ARMH1: variants seen among roughly 807,000 people sequenced by gnomAD.
ARMH1 encodes armadillo-like helical domain containing protein 1.
In ARMH1, 34 loss-of-function variants were observed where a neutral mutation model predicts 50.2. The observed-to-expected ratio is 0.68, with a 90% CI of 0.51 to 0.90. The LOEUF (loss-of-function observed/expected upper bound fraction) is 0.90. Among genes scored for constraint, ARMH1 ranks in the 40% least tolerant of loss-of-function variants. The pLI is 0.00. For missense variants in ARMH1, 538 were observed against 553.9 expected (o/e 0.97, Z 0.29); for synonymous variants, 221 against 224.2 (o/e 0.99, Z 0.13).
chr1:44,676,744 G>C lies in ARMH1; in HGVS notation c.-23+1871G>C, dbSNP rs138101042. Reference sequence around the variant, plus strand: ...TTACAGTGGTTTGAGAAGCAGATGGGATTGAGGAAGTGAAGATTCATGTAA... The same window carrying C: ...TTACAGTGGTTTGAGAAGCAGATGGCATTGAGGAAGTGAAGATTCATGTAA... On this transcript the variant is annotated intron_variant, in intron 1 of 11. Transcript: ENST00000535358. Among the ~76,000 whole-genome samples the C allele has an allele frequency of 6.1e-3, 936 of 152,300 alleles. 10 individuals carry two copies. Among genetic ancestry groups the C allele is most frequent in the African/African-American group, 0.021 (880 of 41,560 alleles).
intron 1 of ARMH1, among the ~76,000 whole-genome samples, chr1:44,678,886 A>G (rs181050106): frequency 9.2e-5 from 14 of 152,314 alleles, no homozygotes; most frequent in Admixed American, 1.3e-4. Context: ...CTTGTTGCCA[A>G]GGACCTTTGG....
At chr1:44,717,898 A>G (rs1646918547) in intron 6 of ARMH1, among the ~76,000 whole-genome samples, 1 of 152,220 alleles carries the variant, frequency 6.6e-6, no homozygotes, top group Admixed American at 6.5e-5. Context: ...TCCTGTGAAG[A>G]CATTTGGGCA....
At chr1:44,720,047 A>G (rs573173286) in intron 6 of ARMH1, among the ~76,000 whole-genome samples, 2 of 152,182 alleles carry the variant, frequency 1.3e-5, no homozygotes, top group East Asian at 3.9e-4. Context: ...ATACAAAAAA[A>G]TTAGGCAGGT....
In ARMH1 at chr1:44,725,085, G is replaced by C. The variant is rs575984276; in HGVS notation, c.1129-51G>C. On this transcript the variant is annotated intron_variant, in intron 10 of 11. Transcript: ENST00000535358. ...ATCCCTCTGCCAAGCCCAACTCCAA[G>C]TCCAGACTGCCCTGGCACCCCAGCC... The C allele has an allele frequency of 2.8e-5, 43 of 1,550,582 alleles. 1 individual carries two copies. Among genetic ancestry groups the C allele is most frequent in the Middle Eastern group, 3.3e-4 (2 of 5,986 alleles).
At chr1:44,708,694 T>A (rs1646451029) in intron 6 of ARMH1, among the ~76,000 whole-genome samples, 1 of 152,168 alleles carries the variant, frequency 6.6e-6, no homozygotes, top group African/African-American at 2.4e-5. Context: ...GTGTCAGTGA[T>A]GGAGGAAGCT....
At position 44,724,070 on chromosome 1, in the gene ARMH1, T is replaced by C; in HGVS notation, c.725-52T>C. 8 of 1,527,328 alleles carry C rather than the reference T, an allele frequency of 5.2e-6. No homozygotes were observed. Among genetic ancestry groups the C allele is most frequent in the South Asian group, 1.2e-5 (1 of 81,530 alleles). 94.6% of individuals were successfully genotyped at this position (1,527,328 alleles called of 1,614,324 possible). A position where few individuals can be genotyped will look rare whatever the true frequency, so the allele number is the denominator to read the frequency against. ...TTGGTTCACGGGGTTCTTTGCTTCC[T>C]CGGTGGCGGAGGGGCCTGGGGCCTC... is the stretch of plus-strand genomic sequence containing the variant. On this transcript the variant is annotated intron_variant, in intron 6 of 11. Coordinates refer to ENST00000535358, the MANE Select transcript of ARMH1 (RefSeq NM_001145636.2). The surrounding 1 kb of genome is among the most constrained non-coding windows in gnomAD (Gnocchi z 6.4).
In ARMH1 at chr1:44,724,345, C is replaced by A. The variant is rs1235926343; in HGVS notation, c.873C>A (p.Pro291=). The change falls in exon 8 of 12, where the codon CCC becomes CCA. Residue 291 remains proline (P), a synonymous_variant. Coordinates refer to ENST00000535358, the MANE Select transcript of ARMH1 (RefSeq NM_001145636.2). This position sits in a 1 kb window ranked among gnomAD's most constrained non-coding sequence, Gnocchi z 6.4. ...LSDPSVLQLT[P]SLPMFLQQAA... is the part of the protein sequence containing the mutation. ...ACCCCTCGGTTCTCCAGCTCACCCC[C>A]AGCCTGCCGATGTTTTTGCAGCAGG... is the stretch of plus-strand genomic sequence containing the variant. 3 of 1,551,416 alleles carry A rather than the reference C, an allele frequency of 1.9e-6. No individual in the cohort carries two copies. The highest frequency in any genetic ancestry group is 1.4e-5 in the African/African-American group (1 of 73,060).
intron 6 of ARMH1, among the ~76,000 whole-genome samples, chr1:44,718,889 G>T (rs972885129): frequency 1.3e-5 from 2 of 152,094 alleles, no homozygotes. Context: ...GCTGGCCAGT[G>T]TGGTGCATGC....
chr1:44,720,055 G>A (rs1429237992), intron 6 of ARMH1, among the ~76,000 whole-genome samples: 1 of 152,142 alleles, frequency 6.6e-6, no homozygotes, highest in African/African-American at 2.4e-5. Context: ...AAATTAGGCA[G>A]GTGTGGTGGC....
Position 44,689,753 on chromosome 1 carries a change from A to G in ARMH1, c.56A>G (p.Glu19Gly). 3 of 1,552,024 alleles carry G rather than the reference A, an allele frequency of 1.9e-6. No individual in the cohort carries two copies. The highest frequency in any genetic ancestry group is 2.6e-6 in the Non-Finnish European group (3 of 1,147,060). ...AGCAGGCTCTTAAGTTTTTTACAGG[A>G]GTGGGACAACGCTGGCAAAGTCGCA... ...AISRLLSFLQ[E>G]WDNAGKVARS... Residue 19 changes from glutamate (E) to glycine (G), a missense_variant, in exon 2 of 12, where the codon GAG (glutamate) becomes GGG (glycine). Physicochemically the swap from Glu to Gly is moderately conservative, Grantham distance 98 (BLOSUM62 -2). Coordinates refer to ENST00000535358, the MANE Select transcript of ARMH1 (RefSeq NM_001145636.2).
In ARMH1 at chr1:44,714,251, C is replaced by T. The variant is rs542351066; in HGVS notation, c.725-9871C>T. ...CACCACTGCACTCCAGCCTGGGTGA[C>T]AGAGCGAGACTCCGTCTCAAAAAAA... On this transcript the variant is annotated intron_variant, in intron 6 of 11. Coordinates refer to ENST00000535358, the MANE Select transcript of ARMH1 (RefSeq NM_001145636.2). Among the ~76,000 whole-genome samples the T allele has an allele frequency of 2.8e-5, 4 of 143,536 alleles. No individual in the cohort carries two copies. The South Asian group carries it at 8.9e-4, about 32-fold the overall frequency. The allele number at this position is 143,536 out of a possible 152,430, so 94.2% of individuals were successfully genotyped here.
At chr1:44,717,365 C>G (rs1646897539) in intron 6 of ARMH1, among the ~76,000 whole-genome samples, 2 of 152,336 alleles carry the variant, frequency 1.3e-5, no homozygotes, top group South Asian at 4.1e-4. Context: ...TCTCCCTTGC[C>G]TGGCCACAAA....
rs557194177 is a variant in ARMH1 at position 44,720,001 on chromosome 1, C to T, written c.725-4121C>T. Among the ~76,000 whole-genome samples, 92 of 152,164 alleles carry T rather than the reference C, an allele frequency of 6.0e-4. 1 individual carries two copies. The highest frequency in any genetic ancestry group is 2.2e-3 in the African/African-American group (92 of 41,514). ...CCTGAGGACAGGAGTTAGAGACCAG[C>T]CTGGCCAACATGGTGAAACCCCGTC... On this transcript the variant is annotated intron_variant, in intron 6 of 11. Transcript: ENST00000535358.
In ARMH1 at chr1:44,721,542, T is replaced by G. The variant is rs1296157763; in HGVS notation, c.725-2580T>G. 2.1e-4 allele frequency among the ~76,000 whole-genome samples: 32 copies of G among 152,162 alleles called. 1 individual carries two copies. Among genetic ancestry groups the G allele is most frequent in the Non-Finnish European group, 7.4e-5 (5 of 68,008 alleles). ...AAAAAAAATCTTATAAACATTTAGC[T>G]TCCTAAATGTTTACAAGAAGCTAAA... is the stretch of plus-strand genomic sequence containing the variant. On this transcript the variant is annotated intron_variant, in intron 6 of 11. Coordinates refer to ENST00000535358, the MANE Select transcript of ARMH1 (RefSeq NM_001145636.2).
chr1:44,693,969 C>A (rs1331151724), intron 2 of ARMH1, among the ~76,000 whole-genome samples: 1 of 152,192 alleles, frequency 6.6e-6, no homozygotes, highest in African/African-American at 2.4e-5. Context: ...ATTGCAGGAT[C>A]TCTCCCACTC....
chr1:44,714,992 C>T (rs971345966), intron 6 of ARMH1, among the ~76,000 whole-genome samples: 1 of 152,024 alleles, frequency 6.6e-6, no homozygotes, highest in Non-Finnish European at 1.5e-5. Context: ...GCGATCCTCC[C>T]GCCTCAGCCT....
At chr1:44,704,834 C>CTT (rs34632415) in intron 6 of ARMH1, among the ~76,000 whole-genome samples, 26 of 124,342 alleles carry the variant, frequency 2.1e-4, no homozygotes, top group African/African-American at 2.7e-4. Flanking sequence ...TTATTGAGAA[C>CTT]TTTTTTTTTT....
At chr1:44,679,480 G>A (rs1645240102) in intron 1 of ARMH1, among the ~76,000 whole-genome samples, 1 of 152,086 alleles carries the variant, frequency 6.6e-6, no homozygotes, top group Non-Finnish European at 1.5e-5. Context: ...TAATTTCTGT[G>A]ACATTTCAAA....
intron 1 of ARMH1, among the ~76,000 whole-genome samples, chr1:44,685,451 A>G (rs1645438801): frequency 6.6e-6 from 1 of 151,688 alleles, no homozygotes; most frequent in Admixed American, 6.6e-5. Context: ...AGTAGCTGAA[A>G]CTACAAGTGT....
Sources: allele counts gnomAD v4.1 joint callset (sites outside exome capture counted in the v4.1 genomes callset), GRCh38; gene constraint gnomAD v4.1.1; non-coding constraint Gnocchi (gnomAD v3.1); transcripts MANE v1.5; gene names NCBI Gene and HGNC (gene_info 2026-07-23, HGNC 2026-07-21).